The following CHPT1 variants were observed in gnomAD, a reference collection of about 807,000 sequenced individuals.
CHPT1 encodes choline phosphotransferase 1, also known as cholinephosphotransferase 1.
In CHPT1, 36 loss-of-function variants were observed where a neutral mutation model predicts 47.6. The ratio of observed to expected loss-of-function variants is 0.76; its 90% CI spans 0.58 to 1.00. CHPT1 has a LOEUF of 1.00. Among genes scored for constraint, CHPT1 ranks in the 50% least tolerant of loss-of-function variants. The probability of loss-of-function intolerance (pLI) is 0.00; values close to 1 mark genes in which losing one functional copy is unlikely to be tolerated. For missense variants in CHPT1, 458 were observed against 498.1 expected (o/e 0.92, Z 0.77); for synonymous variants, 194 against 186.3 (o/e 1.04, Z -0.33).
chr12:101,725,248 A>G (rs1043439198), intron 7 of CHPT1, among the ~76,000 whole-genome samples: 8 of 152,052 alleles, frequency 5.3e-5, no homozygotes, highest in Admixed American at 2.6e-4. Context: ...CATTCTTCCT[A>G]TGGTGGCAGT....
intron 1 of CHPT1, among the ~76,000 whole-genome samples, chr12:101,711,230 A>G (rs548807339): frequency 6.7e-6 from 1 of 148,604 alleles, no homozygotes; most frequent in Non-Finnish European, 1.5e-5. Flanking sequence ...AGATACTTGC[A>G]CTCCCATGAT....
intron 7 of CHPT1, among the ~76,000 whole-genome samples, chr12:101,724,717 T>A (rs1301991744): frequency 6.6e-6 from 1 of 152,000 alleles, no homozygotes; most frequent in African/African-American, 2.4e-5. Flanking sequence ...TAAATTCGCT[T>A]TGATTATATC....
At chr12:101,708,824 T>A (rs1395145898) in intron 1 of CHPT1, among the ~76,000 whole-genome samples, 1 of 148,450 alleles carries the variant, frequency 6.7e-6, no homozygotes, top group Non-Finnish European at 1.5e-5. Context: ...CTCAAACTAC[T>A]GACCTCAAGT....
chr12:101,702,196 C>T (rs1325040934), intron 1 of CHPT1, among the ~76,000 whole-genome samples: 1 of 152,204 alleles, frequency 6.6e-6, no homozygotes, highest in Non-Finnish European at 1.5e-5. Context: ...GTAGCAGTCT[C>T]TCCTACTAAC....
intron 1 of CHPT1, among the ~76,000 whole-genome samples, chr12:101,712,255 A>C (rs1951709038): frequency 6.7e-6 from 1 of 148,366 alleles, no homozygotes; most frequent in Non-Finnish European, 1.5e-5. Flanking sequence ...CCCTGGGCTT[A>C]AGCAATCTGC....
Position 101,698,151 on chromosome 12 carries a change from G to C in CHPT1, c.273+17G>C, listed in dbSNP as rs1314377826. 3 of 1,441,992 alleles carry C rather than the reference G, an allele frequency of 2.1e-6. No individual in the cohort carries two copies. The highest frequency in any genetic ancestry group is 2.9e-5 in the African/African-American group (2 of 68,026). The allele number at this position is 1,441,992 out of a possible 1,614,324, so 89.3% of individuals were successfully genotyped here. On this transcript the variant is annotated intron_variant, in intron 1 of 8. Coordinates refer to ENST00000229266, the MANE Select transcript of CHPT1 (RefSeq NM_020244.3). ...ACCGAAGAGGTAGGGCTGGCCGATC[G>C]CCCGAGCCGGGCCCCAGATGCGCTG... is the stretch of plus-strand genomic sequence containing the variant.
intron 1 of CHPT1, among the ~76,000 whole-genome samples, chr12:101,706,923 G>T (rs1051819869): frequency 6.6e-6 from 1 of 152,166 alleles, no homozygotes; most frequent in Non-Finnish European, 1.5e-5. Context: ...ACAGTGCATT[G>T]TTATAAAGTC....
At chr12:101,719,404 T>G in intron 4 of CHPT1, 1 of 480,138 alleles carries the variant, frequency 2.1e-6, no homozygotes, top group South Asian at 1.6e-5. Flanking sequence ...TGGTACATTA[T>G]TTCAGTCTAT....
Position 101,697,891 on chromosome 12 carries a change from G to A in CHPT1, c.30G>A (p.Ala10=). MAAGAGAGS[A]PRWLRALSEP... is the part of the protein sequence containing the mutation. ...CGGCAGGCGCCGGGGCCGGGTCCGC[G>A]CCGCGCTGGCTGAGGGCGCTGAGCG... Residue 10 remains alanine (A), a synonymous_variant, in exon 1 of 9, where the codon GCG becomes GCA. Coordinates refer to ENST00000229266, the MANE Select transcript of CHPT1 (RefSeq NM_020244.3). The A allele has an allele frequency of 1.6e-6, 2 of 1,250,096 alleles. No homozygotes were observed. Among genetic ancestry groups the A allele is most frequent in the Non-Finnish European group, 1.0e-6 (1 of 998,518 alleles). The allele number at this position is 1,250,096 out of a possible 1,614,324, so 77.4% of individuals were successfully genotyped here. A position where few individuals can be genotyped will look rare whatever the true frequency, so the allele number is the denominator to read the frequency against.
rs1481101269 is a variant in CHPT1 at position 101,723,838 on chromosome 12, G to A, written c.1056G>A (p.Trp352Ter). Residue 352 changes from tryptophan (W) to a stop codon, truncating the protein, a stop_gained, in exon 7 of 9, where the codon TGG becomes TGA. Transcript: ENST00000229266. LOFTEE classifies it high-confidence loss of function. ...NNFIDEYVVL[W>*]MAMVISSFDM... Reference sequence around the variant, plus strand: ...TTATAGACGAATATGTTGTTCTATGGATGGCAATGGTAAGTATTTTTCTCC... The same window carrying A: ...TTATAGACGAATATGTTGTTCTATGAATGGCAATGGTAAGTATTTTTCTCC... 1.3e-6 allele frequency: 2 copies of A among 1,511,982 alleles called. No homozygotes were observed. Among genetic ancestry groups the A allele is most frequent in the African/African-American group, 2.8e-5 (2 of 71,228 alleles). The allele number at this position is 1,511,982 out of a possible 1,614,324, so 93.7% of individuals were successfully genotyped here.
chr12:101,699,532 T>C (rs1033380554), intron 1 of CHPT1, among the ~76,000 whole-genome samples: 1 of 151,798 alleles, frequency 6.6e-6, no homozygotes, highest in African/African-American at 2.4e-5. Flanking sequence ...GGACTACACG[T>C]GCCTGCCACC....
At chr12:101,699,338 A>G (rs1951515801) in intron 1 of CHPT1, among the ~76,000 whole-genome samples, 1 of 151,050 alleles carries the variant, frequency 6.6e-6, no homozygotes, top group African/African-American at 2.4e-5. Context: ...GATCGAGCCT[A>G]CATTTTAAAA....
At chr12:101,726,515 A>G in intron 8 of CHPT1, 111 bp downstream of exon 8, 1 of 1,397,920 alleles carries the variant, frequency 7.2e-7, no homozygotes, top group South Asian at 1.7e-5. Context: ...TACCATCAAT[A>G]AGGTTATATT....
chr12:101,699,480 T>G (rs558270354), intron 1 of CHPT1, among the ~76,000 whole-genome samples: 1 of 149,062 alleles, frequency 6.7e-6, no homozygotes, highest in East Asian at 2.0e-4. Context: ...CTCTGCCTCC[T>G]GGGTTCAAGC....
At chr12:101,728,113 G>C (rs1952013213) in intron 8 of CHPT1, 2 of 152,264 alleles carry the variant, frequency 1.3e-5, no homozygotes, top group African/African-American at 4.8e-5. Flanking sequence ...AGCTGGGCGT[G>C]GTGGCAAGTG....
intron 1 of CHPT1, among the ~76,000 whole-genome samples, chr12:101,698,475 C>A (rs1222106235): frequency 3.9e-5 from 6 of 152,256 alleles, no homozygotes; most frequent in Non-Finnish European, 8.8e-5. Context: ...GTGAGACGGA[C>A]CCGCGGTCGG....
Position 101,720,218 on chromosome 12 carries a change from C to T in CHPT1, c.744C>T (p.Leu248=), listed in dbSNP as rs1435705403. 1 of 1,604,374 alleles carries T rather than the reference C, an allele frequency of 6.2e-7. No homozygotes were observed. The highest frequency in any genetic ancestry group is 8.5e-7 in the Non-Finnish European group (1 of 1,175,160). Residue 248 remains leucine (L), a synonymous_variant, in exon 5 of 9, where the codon CTC becomes CTT. Transcript: ENST00000229266. ...GTTCAAATTATTTCCATGTTATCCT[C>T]CATGGTGGTGTTGGCAAGAATGGAT... ...FSCSNYFHVI[L]HGGVGKNGST... is the part of the protein sequence containing the mutation.
intron 1 of CHPT1, among the ~76,000 whole-genome samples, chr12:101,705,142 C>A (rs1366181185): frequency 7.4e-6 from 1 of 135,400 alleles, no homozygotes; most frequent in Non-Finnish European, 1.5e-5. Context: ...TGGCTCACTG[C>A]AACCTTGGCC....
At chr12:101,728,870 G>A in intron 8 of CHPT1, 31 bp from the exon 9 acceptor site, 5 of 1,609,362 alleles carry the variant, frequency 3.1e-6, no homozygotes, top group Non-Finnish European at 4.2e-6. Flanking sequence ...ATGCTTCTTA[G>A]CTAACGTTAT....
Sources: gnomAD v4.1 joint callset for allele counts (sites outside exome capture counted in the v4.1 genomes callset) on GRCh38, gnomAD v4.1.1 for gene constraint, MANE v1.5 for transcripts, NCBI Gene and HGNC (gene_info 2026-07-23, HGNC 2026-07-21) for gene names.